SLC6A6: variants seen among roughly 807,000 people sequenced by gnomAD.
SLC6A6 encodes the protein solute carrier family 6 member 6, also known as sodium- and chloride-dependent taurine transporter.
A neutral mutation model predicts 68.8 loss-of-function variants in SLC6A6; 16 were observed. That is an observed-to-expected ratio of 0.23 (90% CI 0.16 to 0.35). The LOEUF (loss-of-function observed/expected upper bound fraction) is 0.35. Among genes scored for constraint, SLC6A6 ranks in the 10% least tolerant of loss-of-function variants. SLC6A6 has a pLI of 1.00. For missense variants in SLC6A6, 474 were observed against 802.8 expected (o/e 0.59, Z 4.95); for synonymous variants, 312 against 315.4 (o/e 0.99, Z 0.12).
chr3:14,442,695 A>C (rs1341042426), intron 2 of SLC6A6, among the ~76,000 whole-genome samples: 2 of 152,118 alleles, frequency 1.3e-5, no homozygotes, highest in African/African-American at 4.8e-5. Flanking sequence ...CTCCCTCTAG[A>C]CTGGGAGCCA....
intron 5 of SLC6A6, 65 bp from the exon 6 acceptor site, chr3:14,457,885 G>C: frequency 7.7e-6 from 12 of 1,564,986 alleles, no homozygotes; most frequent in Non-Finnish European, 1.1e-5. Flanking sequence ...TAATGTCCGA[G>C]CCTTGGCTCT....
intron 2 of SLC6A6, among the ~76,000 whole-genome samples, chr3:14,420,899 G>T (rs1050008304): frequency 1.3e-5 from 2 of 152,204 alleles, no homozygotes; most frequent in Non-Finnish European, 2.9e-5. Context: ...CCAATTTCCC[G>T]AACTTTTTTG....
intron 5 of SLC6A6, among the ~76,000 whole-genome samples, chr3:14,452,106 A>T (rs1195052615): frequency 2.0e-5 from 3 of 152,090 alleles, no homozygotes; most frequent in Non-Finnish European, 4.4e-5. Context: ...CTGGGCAGGA[A>T]AGGTCCCTGT....
intron 10 of SLC6A6, among the ~76,000 whole-genome samples, chr3:14,474,171 G>A (rs947028241): frequency 2.6e-5 from 4 of 152,224 alleles, no homozygotes; most frequent in African/African-American, 9.6e-5. Flanking sequence ...GAACCAGGAT[G>A]GGAATCTGAT....
At chr3:14,448,110 A>T in intron 5 of SLC6A6, 2 of 1,098,404 alleles carry the variant, frequency 1.8e-6, no homozygotes, top group Non-Finnish European at 1.2e-6. Flanking sequence ...AGGTATGCAT[A>T]CTTATGTTGT....
chr3:14,480,934 C>T (rs1432151020), intron 13 of SLC6A6, among the ~76,000 whole-genome samples: 1 of 152,226 alleles, frequency 6.6e-6, no homozygotes, highest in East Asian at 1.9e-4. Flanking sequence ...GGGCTGTGGA[C>T]ACCGAACAGG....
intron 5 of SLC6A6, among the ~76,000 whole-genome samples, chr3:14,452,295 G>A (rs1700270245): frequency 6.6e-6 from 1 of 152,196 alleles, no homozygotes; most frequent in Admixed American, 6.5e-5. Context: ...TCTCTCCTCT[G>A]TAAACAGAAG....
chr3:14,430,991 G>T (rs1439261504), intron 2 of SLC6A6, among the ~76,000 whole-genome samples: 2 of 152,234 alleles, frequency 1.3e-5, no homozygotes, highest in Admixed American at 1.3e-4. Flanking sequence ...CTTTGATTTT[G>T]TGTGGGATCC....
intron 5 of SLC6A6, among the ~76,000 whole-genome samples, chr3:14,453,041 G>A (rs1345841824): frequency 6.6e-6 from 1 of 152,252 alleles, no homozygotes; most frequent in African/African-American, 2.4e-5. Flanking sequence ...TGCAGCTGTC[G>A]GAAAGAGGAG....
chr3:14,460,929 G>T (rs578261411), intron 6 of SLC6A6, among the ~76,000 whole-genome samples: 2 of 152,222 alleles, frequency 1.3e-5, no homozygotes, highest in Admixed American at 1.3e-4. Flanking sequence ...TGGCTGACGT[G>T]GGGGCTGGGC....
intron 5 of SLC6A6, among the ~76,000 whole-genome samples, chr3:14,456,824 C>T (rs1170425724): frequency 1.3e-5 from 2 of 152,248 alleles, no homozygotes; most frequent in African/African-American, 4.8e-5. Flanking sequence ...TAGAAGGAAA[C>T]TCAGCTTCTT....
Position 14,485,313 on chromosome 3 carries a change from T to C in SLC6A6, c.*306T>C, listed in dbSNP as rs1701128171. The C allele has an allele frequency of 4.3e-6, 1 of 230,686 alleles. No homozygotes were observed. The highest frequency in any genetic ancestry group is 8.9e-5 in the East Asian group (1 of 11,292). The allele number at this position is 230,686 out of a possible 1,614,324, so 14.3% of individuals were successfully genotyped here. A position where few individuals can be genotyped will look rare whatever the true frequency, so the allele number is the denominator to read the frequency against. ...TATGGGAATTTGGTAAATTTTTCTT[T>C]GTATTTTTTTTTTTACATATAAGTA... On this transcript the variant is annotated 3_prime_UTR_variant, in exon 15 of 15. Coordinates refer to ENST00000622186, the MANE Select transcript of SLC6A6 (RefSeq NM_003043.6).
chr3:14,405,018 C>G (rs1016580308), intron 1 of SLC6A6, among the ~76,000 whole-genome samples: 12 of 152,216 alleles, frequency 7.9e-5, no homozygotes, highest in African/African-American at 2.9e-4. Context: ...TGAGAGCCAC[C>G]TAAGGGACTT....
rs1436333913 is a variant in SLC6A6 at position 14,449,479 on chromosome 3, ACCG to A, written c.599+1664_599+1666del. Among the ~76,000 whole-genome samples, 11 of 152,146 alleles carry A rather than the reference ACCG, an allele frequency of 7.2e-5. No individual in the cohort carries two copies. In the South Asian group the frequency reaches 1.5e-3, roughly 20 times the overall value. ...CTGCTGTTTTTGGAGTGGCCTGAAA[ACCG>A]GGCCTTCCCCACTCCTGGACACTGG... On this transcript the variant is annotated intron_variant, in intron 5 of 14. Coordinates refer to ENST00000622186, the MANE Select transcript of SLC6A6 (RefSeq NM_003043.6).
chr3:14,458,178 A>AG, intron 6 of SLC6A6, 96 bp downstream of exon 6: 1 of 1,160,604 alleles, frequency 8.6e-7, no homozygotes, highest in Non-Finnish European at 1.3e-6. Flanking sequence ...ACGCCCCAAG[A>AG]GGGAGGTGGC....
At chr3:14,453,237 C>T (rs1057379613) in intron 5 of SLC6A6, among the ~76,000 whole-genome samples, 5 of 152,212 alleles carry the variant, frequency 3.3e-5, no homozygotes, top group Non-Finnish European at 5.9e-5. Flanking sequence ...GGCAGCAGGG[C>T]GGCCGACTCA....
Position 14,451,308 on chromosome 3 carries a change from C to T in SLC6A6, c.599+3492C>T, listed in dbSNP as rs941601692. On this transcript the variant is annotated intron_variant, in intron 5 of 14. Coordinates refer to ENST00000622186, the MANE Select transcript of SLC6A6 (RefSeq NM_003043.6). ...AGCAAATCACTACCTCTCTCTGGCTCACTTCCCCATCTGCAGATGGAGGAG... is the reference window on the plus strand; with the variant it reads ...AGCAAATCACTACCTCTCTCTGGCTTACTTCCCCATCTGCAGATGGAGGAG... 3.9e-5 allele frequency among the ~76,000 whole-genome samples: 6 copies of T among 152,150 alleles called. 1 individual carries two copies. Among genetic ancestry groups the T allele is most frequent in the Admixed American group, 2.0e-4 (3 of 15,280 alleles).
At chr3:14,435,641 C>T (rs1418822656) in intron 2 of SLC6A6, among the ~76,000 whole-genome samples, 1 of 152,216 alleles carries the variant, frequency 6.6e-6, no homozygotes, top group Non-Finnish European at 1.5e-5. Flanking sequence ...CCGCACGAGC[C>T]CATTCTTCCC....
chr3:14,409,383 A>G (rs1379241204), intron 1 of SLC6A6, among the ~76,000 whole-genome samples: 2 of 152,218 alleles, frequency 1.3e-5, no homozygotes, highest in Non-Finnish European at 2.9e-5. Flanking sequence ...CTGAGAAGGG[A>G]AGGAACTCAT....
Sources: allele counts gnomAD v4.1 joint callset (sites outside exome capture counted in the v4.1 genomes callset), GRCh38; gene constraint gnomAD v4.1.1; transcripts MANE v1.5; gene names NCBI Gene and HGNC (gene_info 2026-07-23, HGNC 2026-07-21).